The following SLIT2 variants were observed in gnomAD, a reference collection of about 807,000 sequenced individuals.
SLIT2 encodes the protein slit homolog 2 protein.
A neutral mutation model predicts 185.7 loss-of-function variants in SLIT2; 41 were observed. The observed-to-expected ratio is 0.22, with a 90% CI of 0.17 to 0.29. SLIT2 has a LOEUF of 0.29. Ranked by LOEUF, SLIT2 falls within the 10% of genes least tolerant of loss-of-function variation. The pLI is 1.00. For missense variants in SLIT2, 1,571 were observed against 1,909.0 expected, an observed-to-expected ratio of 0.82 and a Z score of 3.30; for synonymous variants, 693 against 680.2, an observed-to-expected ratio of 1.02 and a Z score of -0.29.
At chr4:20,537,585 T>C (rs946476142) in intron 18 of SLIT2, among the ~76,000 whole-genome samples, 4 of 152,322 alleles carry the variant, frequency 2.6e-5, no homozygotes, top group Middle Eastern at 3.4e-3. Flanking sequence ...TTTCATTGTA[T>C]TTCTGTGGAT....
intron 4 of SLIT2, among the ~76,000 whole-genome samples, chr4:20,374,641 TTC>T (rs1723868663): frequency 6.6e-6 from 1 of 152,032 alleles, no homozygotes; most frequent in East Asian, 1.9e-4. Flanking sequence ...CTTTTTCCTC[TTC>T]TCTCCTTCTC....
chr4:20,522,598 C>G (rs1188381594), intron 12 of SLIT2, among the ~76,000 whole-genome samples: 1 of 151,856 alleles, frequency 6.6e-6, no homozygotes, highest in African/African-American at 2.4e-5. Context: ...TAAACCTAAG[C>G]TCACACACAG....
At chr4:20,593,241 G>A (rs1249896787) in intron 30 of SLIT2, among the ~76,000 whole-genome samples, 1 of 152,024 alleles carries the variant, frequency 6.6e-6, no homozygotes, top group Non-Finnish European at 1.5e-5. Context: ...ATTTACAGAT[G>A]GATGCGTTTA....
At chr4:20,269,607 G>C (rs1320798548) in intron 4 of SLIT2, among the ~76,000 whole-genome samples, 1 of 151,892 alleles carries the variant, frequency 6.6e-6, no homozygotes, top group Non-Finnish European at 1.5e-5. Context: ...TGTGCAGATG[G>C]GAGATAAGCT....
intron 11 of SLIT2, among the ~76,000 whole-genome samples, chr4:20,517,249 A>T (rs1052662282): frequency 6.6e-6 from 1 of 152,226 alleles, no homozygotes; most frequent in African/African-American, 2.4e-5. Flanking sequence ...TGCCTGAGAC[A>T]TGGGCAGATG....
At chr4:20,459,006 CT>C (rs979165581) in intron 4 of SLIT2, among the ~76,000 whole-genome samples, 3 of 152,026 alleles carry the variant, frequency 2.0e-5, no homozygotes, top group Non-Finnish European at 2.9e-5. Flanking sequence ...GTTATTGACA[CT>C]TTTTATTAAC....
chr4:20,495,182 G>C (rs556985442), intron 9 of SLIT2, among the ~76,000 whole-genome samples: 2 of 152,326 alleles, frequency 1.3e-5, no homozygotes, highest in African/African-American at 4.8e-5. Flanking sequence ...CAAGAGAGTA[G>C]ATAAGCCGCA....
At chr4:20,494,773 G>A (rs1414471553) in intron 9 of SLIT2, among the ~76,000 whole-genome samples, 13 of 144,926 alleles carry the variant, frequency 9.0e-5, no homozygotes, top group African/African-American at 2.4e-4. Context: ...GCTAGACTCC[G>A]TCTCAAAAAA....
intron 26 of SLIT2, among the ~76,000 whole-genome samples, chr4:20,561,602 A>G (rs1003016597): frequency 2.6e-5 from 4 of 151,740 alleles, no homozygotes; most frequent in African/African-American, 4.8e-5. Context: ...TAGAATAATA[A>G]TTATTCAAAA....
chr4:20,340,010 A>G (rs1439979272), intron 4 of SLIT2, among the ~76,000 whole-genome samples: 5 of 152,148 alleles, frequency 3.3e-5, no homozygotes, highest in Admixed American at 3.3e-4. Flanking sequence ...TATAATCTGA[A>G]TACCTTTCCC....
intron 12 of SLIT2, among the ~76,000 whole-genome samples, chr4:20,522,654 A>G (rs1033265082): frequency 2.6e-5 from 4 of 152,164 alleles, no homozygotes; most frequent in Admixed American, 6.5e-5. Flanking sequence ...TCCATAAACT[A>G]CAGTTCCACA....
intron 16 of SLIT2, among the ~76,000 whole-genome samples, chr4:20,529,588 A>T (rs549932880): frequency 6.6e-6 from 1 of 152,242 alleles, no homozygotes; most frequent in African/African-American, 2.4e-5. Context: ...TAAAGTAGAA[A>T]GGATAGCTTT....
intron 4 of SLIT2, among the ~76,000 whole-genome samples, chr4:20,307,334 C>T (rs1164219523): frequency 6.7e-6 from 1 of 149,790 alleles, no homozygotes; most frequent in East Asian, 2.0e-4. Flanking sequence ...GCCATCATAG[C>T]TCACTGCTGC....
chr4:20,392,723 T>C (rs1235522282), intron 4 of SLIT2, among the ~76,000 whole-genome samples: 6 of 152,094 alleles, frequency 3.9e-5, no homozygotes, highest in Admixed American at 2.0e-4. Context: ...TGTTAAAAAC[T>C]AGAACACAAA....
At chr4:20,407,411 A>G (rs1055120719) in intron 4 of SLIT2, among the ~76,000 whole-genome samples, 3 of 152,238 alleles carry the variant, frequency 2.0e-5, no homozygotes, top group Non-Finnish European at 4.4e-5. Context: ...CAGTTCATGA[A>G]GAACAAAACT....
intron 34 of SLIT2, among the ~76,000 whole-genome samples, chr4:20,612,321 A>G (rs1433060606): frequency 5.3e-5 from 8 of 151,338 alleles, no homozygotes. Flanking sequence ...CAAAAAAAAA[A>G]AAGAGGAAAA....
At chr4:20,351,513 A>G (rs1160686541) in intron 4 of SLIT2, among the ~76,000 whole-genome samples, 1 of 152,178 alleles carries the variant, frequency 6.6e-6, no homozygotes, top group Non-Finnish European at 1.5e-5. Context: ...CAACACTTAT[A>G]TGAGAATTCC....
intron 29 of SLIT2, among the ~76,000 whole-genome samples, chr4:20,583,970 A>G (rs1356704177): frequency 6.6e-6 from 1 of 152,042 alleles, no homozygotes; most frequent in African/African-American, 2.4e-5. Flanking sequence ...TACTCACAAT[A>G]TCAGTACCAC....
intron 33 of SLIT2, among the ~76,000 whole-genome samples, chr4:20,602,285 A>G (rs888970162): frequency 4.1e-4 from 62 of 152,214 alleles, no homozygotes; most frequent in African/African-American, 1.4e-3. Flanking sequence ...TCATTTTCCA[A>G]ACCAGACAGC....
Sources: gnomAD v4.1 joint callset for allele counts (sites outside exome capture counted in the v4.1 genomes callset) on GRCh38, gnomAD v4.1.1 for gene constraint, MANE v1.5 for transcripts, NCBI Gene and HGNC (gene_info 2026-07-23, HGNC 2026-07-21) for gene names.